OR9Q1: variants seen among roughly 807,000 people sequenced by gnomAD.
OR9Q1 encodes the protein olfactory receptor 9Q1.
For missense variants in OR9Q1, 374 were observed against 378.8 expected, an observed-to-expected ratio of 0.99 and a Z score of 0.11; for synonymous variants, 153 against 148.6, an observed-to-expected ratio of 1.03 and a Z score of -0.22.
chr11:58,170,272 A>C (rs1298629729), intron 2 of OR9Q1, among the ~76,000 whole-genome samples: 2 of 152,226 alleles, frequency 1.3e-5, no homozygotes, highest in East Asian at 3.9e-4. Context: ...GGATCCAGGC[A>C]ACATCTACAA....
chr11:58,136,916 C>A (rs1335343470), intron 2 of OR9Q1, among the ~76,000 whole-genome samples: 1 of 152,116 alleles, frequency 6.6e-6, no homozygotes, highest in Admixed American at 6.5e-5. Flanking sequence ...ACCTGGAGAC[C>A]TCCCTAAGTG....
At chr11:58,106,834 T>C (rs1324958191) in intron 2 of OR9Q1, among the ~76,000 whole-genome samples, 1 of 152,214 alleles carries the variant, frequency 6.6e-6, no homozygotes, top group African/African-American at 2.4e-5. Context: ...GGGCTGCCTA[T>C]TCTGTTCCAT....
intron 1 of OR9Q1, among the ~76,000 whole-genome samples, chr11:58,053,635 T>TATATAAA (rs1239888903): frequency 1.4e-5 from 2 of 144,042 alleles, no homozygotes; most frequent in Non-Finnish European, 3.0e-5. Flanking sequence ...ATAAAATATA[T>TATATAAA]ATATATATAA....
At chr11:58,028,058 G>T (rs1333536889) in intron 1 of OR9Q1, among the ~76,000 whole-genome samples, 2 of 151,120 alleles carry the variant, frequency 1.3e-5, no homozygotes, top group African/African-American at 2.4e-5. Flanking sequence ...TTTGTACCAG[G>T]CCCTGGGGCA....
intron 2 of OR9Q1, among the ~76,000 whole-genome samples, chr11:58,130,090 T>C (rs970957337): frequency 2.6e-5 from 4 of 152,152 alleles, no homozygotes; most frequent in Non-Finnish European, 5.9e-5. Context: ...GAGTCTGCCT[T>C]GTTCACTGCT....
At chr11:58,170,900 A>AAATCTATT (rs925827506) in intron 2 of OR9Q1, among the ~76,000 whole-genome samples, 18 of 152,142 alleles carry the variant, frequency 1.2e-4, no homozygotes, top group African/African-American at 4.3e-4. Context: ...TATACATTAA[A>AAATCTATT]AATCTATTTA....
At chr11:58,082,278 C>A (rs1393388212) in intron 2 of OR9Q1, among the ~76,000 whole-genome samples, 1 of 149,370 alleles carries the variant, frequency 6.7e-6, no homozygotes, top group African/African-American at 2.4e-5. Context: ...ACCCAAAGGA[C>A]TATAAGACAC....
At chr11:58,148,983 T>C (rs914063781) in intron 2 of OR9Q1, among the ~76,000 whole-genome samples, 3 of 152,200 alleles carry the variant, frequency 2.0e-5, no homozygotes, top group Admixed American at 6.5e-5. Flanking sequence ...ATCGTGAGGT[T>C]TTCTGAAAAT....
chr11:58,119,356 A>T, intron 2 of OR9Q1: 1 of 1,613,920 alleles, frequency 6.2e-7, no homozygotes, highest in Non-Finnish European at 8.5e-7. Context: ...ACTCAGAAAC[A>T]CCAGAAAGAG....
intron 2 of OR9Q1, among the ~76,000 whole-genome samples, chr11:58,128,646 A>C (rs182026812): frequency 2.1e-4 from 32 of 152,276 alleles, no homozygotes; most frequent in Admixed American, 1.7e-3. Context: ...ATTAAAAAAA[A>C]ATTTTTGTGG....
intron 2 of OR9Q1, among the ~76,000 whole-genome samples, chr11:58,092,941 A>G (rs540665547): frequency 6.6e-6 from 1 of 152,250 alleles, no homozygotes; most frequent in Non-Finnish European, 1.5e-5. Context: ...CAGGAAAGCA[A>G]CAATGAGTTG....
rs60192703 is a variant in OR9Q1, at chr11:58,086,676, TA to T, written c.-15+30735del. On this transcript the variant is annotated intron_variant, in intron 2 of 2. Coordinates refer to ENST00000335397, the MANE Select transcript of OR9Q1 (RefSeq NM_001005212.4). ...TATACAATGGAATACTATACAGCCC[TA>T]AAAAAGAAAAATAATTTAAAATTTG... Among the ~76,000 whole-genome samples the T allele has an allele frequency of 1.8e-4, 27 of 151,822 alleles. 2 individuals are homozygous for T. The highest frequency in any genetic ancestry group is 6.1e-4 in the African/African-American group (25 of 41,230).
intron 1 of OR9Q1, chr11:58,031,876 C>A (rs778924969): frequency 6.2e-7 from 1 of 1,612,734 alleles, no homozygotes; most frequent in Non-Finnish European, 8.5e-7. Context: ...TGGGTCGAGT[C>A]TTTTCTCTCA....
At chr11:58,099,076 T>G (rs746549479) in intron 2 of OR9Q1, among the ~76,000 whole-genome samples, 1 of 151,992 alleles carries the variant, frequency 6.6e-6, no homozygotes, top group Non-Finnish European at 1.5e-5. Flanking sequence ...TGTGATTTAT[T>G]AAACCTGACC....
intron 2 of OR9Q1, chr11:58,116,772 T>C (rs963096084): frequency 6.6e-6 from 1 of 152,200 alleles, no homozygotes; most frequent in African/African-American, 2.4e-5. Context: ...ATCAGTCAAC[T>C]ACAAGATATT....
At chr11:58,042,622 G>A (rs3133379) in intron 1 of OR9Q1, among the ~76,000 whole-genome samples, 25,410 of 148,698 alleles carry the variant, frequency 0.17, 2,297 homozygotes, top group South Asian at 0.21. Context: ...TTGACTTGGC[G>A]ATGCGGGCTC....
At chr11:58,125,800 G>A (rs936637580) in intron 2 of OR9Q1, among the ~76,000 whole-genome samples, 2 of 152,128 alleles carry the variant, frequency 1.3e-5, no homozygotes, top group African/African-American at 2.4e-5. Context: ...ATGAAAACTC[G>A]TAAGCCTTGT....
At chr11:58,089,360 A>C (rs1308014952) in intron 2 of OR9Q1, among the ~76,000 whole-genome samples, 1 of 151,850 alleles carries the variant, frequency 6.6e-6, no homozygotes, top group Non-Finnish European at 1.5e-5. Context: ...AGTTTTTTGC[A>C]TATGGCTAGC....
intron 2 of OR9Q1, among the ~76,000 whole-genome samples, chr11:58,176,243 A>G (rs907598167): frequency 2.7e-5 from 4 of 145,690 alleles, no homozygotes; most frequent in African/African-American, 5.6e-5. Flanking sequence ...AAAGTTAGAT[A>G]CATCTAACTC....
Sources: allele counts gnomAD v4.1 joint callset (sites outside exome capture counted in the v4.1 genomes callset), GRCh38; gene constraint gnomAD v4.1.1; transcripts MANE v1.5; gene names NCBI Gene and HGNC (gene_info 2026-07-23, HGNC 2026-07-21).